Variants in CHST9 observed in about 807,000 individuals in gnomAD.
The protein encoded by CHST9 is GalNAc-4-sulfotransferase 2.
Under a neutral mutation model 44.4 loss-of-function variants are expected in CHST9, and 41 were observed. The ratio of observed to expected loss-of-function variants is 0.92; its 90% CI spans 0.72 to 1.20. The LOEUF (loss-of-function observed/expected upper bound fraction) is 1.20. Ranked by LOEUF, CHST9 falls within the 50% of genes most tolerant of loss-of-function variation. The pLI is 0.00. For synonymous variants in CHST9, 171 were observed against 178.4 expected, an observed-to-expected ratio of 0.96 and a Z score of 0.33; for missense variants, 504 against 516.5, an observed-to-expected ratio of 0.98 and a Z score of 0.23.
chr18:26,997,707 G>T (rs1215011377), intron 4 of CHST9, among the ~76,000 whole-genome samples: 1 of 152,144 alleles, frequency 6.6e-6, no homozygotes, highest in Non-Finnish European at 1.5e-5. Context: ...CTCCAACTGC[G>T]AATCACTTTC....
At chr18:27,038,255 T>C (rs765746589) in intron 3 of CHST9, among the ~76,000 whole-genome samples, 1 of 152,322 alleles carries the variant, frequency 6.6e-6, no homozygotes, top group Non-Finnish European at 1.5e-5. Flanking sequence ...ATAAAGAAGA[T>C]AACTTTCTGT....
chr18:26,973,057 C>T (rs1281824980), intron 4 of CHST9, among the ~76,000 whole-genome samples: 3 of 152,132 alleles, frequency 2.0e-5, no homozygotes, highest in Non-Finnish European at 4.4e-5. Context: ...AGAACATGTT[C>T]TCTCCTTTTT....
intron 2 of CHST9, among the ~76,000 whole-genome samples, chr18:27,138,339 A>G (rs1428969599): frequency 1.3e-5 from 2 of 152,270 alleles, no homozygotes; most frequent in South Asian, 2.1e-4. Context: ...TCCTCTGCCC[A>G]TGGAGGCAGC....
chr18:27,027,547 TG>T (rs1412301103), intron 3 of CHST9, among the ~76,000 whole-genome samples: 23 of 152,208 alleles, frequency 1.5e-4, no homozygotes, highest in African/African-American at 5.5e-4. Flanking sequence ...TAAAATCGCC[TG>T]GATGCGCCAT....
chr18:27,089,382 C>T (rs544257705), intron 2 of CHST9, among the ~76,000 whole-genome samples: 6 of 148,762 alleles, frequency 4.0e-5, no homozygotes, highest in East Asian at 4.1e-4. Flanking sequence ...TGAGAATGTG[C>T]GGTGTTTGGT....
intron 4 of CHST9, among the ~76,000 whole-genome samples, chr18:27,001,182 G>A (rs2056948661): frequency 6.6e-6 from 1 of 152,168 alleles, no homozygotes; most frequent in African/African-American, 2.4e-5. Context: ...TAATGTAGGA[G>A]GTGATGATGT....
At chr18:26,982,747 T>C (rs2056707858) in intron 4 of CHST9, among the ~76,000 whole-genome samples, 1 of 152,194 alleles carries the variant, frequency 6.6e-6, no homozygotes, top group Admixed American at 6.5e-5. Context: ...CCTTGTTCCA[T>C]GATTCCACAT....
chr18:27,034,203 T>C (rs75145736), intron 3 of CHST9, among the ~76,000 whole-genome samples: 3,572 of 152,326 alleles, frequency 0.023, 162 homozygotes, highest in African/African-American at 0.081. Context: ...AATAGTATTA[T>C]TCACCAGCTT....
intron 2 of CHST9, among the ~76,000 whole-genome samples, chr18:27,102,337 AT>A (rs778315272): frequency 2.6e-5 from 4 of 152,214 alleles, no homozygotes; most frequent in Non-Finnish European, 5.9e-5. Flanking sequence ...GAACAGATTG[AT>A]GGCCATGGCA....
chr18:26,917,417 C>A (rs749110008), intron 5 of CHST9, 67 bp from the exon 6 acceptor site: 36 of 1,502,988 alleles, frequency 2.4e-5, no homozygotes, highest in Non-Finnish European at 3.2e-5. Flanking sequence ...GGATAAGGAA[C>A]TTCACATATT....
chr18:27,113,045 C>T (rs901594230), intron 2 of CHST9, among the ~76,000 whole-genome samples: 3 of 152,090 alleles, frequency 2.0e-5, no homozygotes, highest in East Asian at 1.9e-4. Context: ...AAAAATTAGC[C>T]GGGCGTGGTG....
chr18:27,026,286 A>G (rs1430252338), intron 3 of CHST9, among the ~76,000 whole-genome samples: 1 of 152,182 alleles, frequency 6.6e-6, no homozygotes, highest in Non-Finnish European at 1.5e-5. Context: ...TACTAGTTAG[A>G]TAAATGCCGT....
chr18:27,166,397 C>A (rs954394134), intron 1 of CHST9, among the ~76,000 whole-genome samples: 3 of 152,176 alleles, frequency 2.0e-5, no homozygotes, highest in Admixed American at 1.3e-4. Context: ...TATTTAAATT[C>A]TTAAGAACTA....
intron 1 of CHST9, among the ~76,000 whole-genome samples, chr18:27,163,701 G>T (rs1157018761): frequency 6.6e-6 from 1 of 152,120 alleles, no homozygotes; most frequent in East Asian, 1.9e-4. Flanking sequence ...TAATTTCCAG[G>T]TGCCATCTGT....
intron 2 of CHST9, among the ~76,000 whole-genome samples, chr18:27,128,317 T>C (rs2058442599): frequency 6.6e-6 from 1 of 152,224 alleles, no homozygotes; most frequent in Admixed American, 6.5e-5. Flanking sequence ...TCGCCCAGGC[T>C]GGACTGCAGT....
intron 1 of CHST9, among the ~76,000 whole-genome samples, chr18:27,162,754 C>T (rs1194568831): frequency 1.3e-5 from 2 of 152,160 alleles, no homozygotes; most frequent in African/African-American, 4.8e-5. Context: ...GCCATGGCTT[C>T]GAACTTCCTC....
rs2055503191 is a variant in CHST9 at position 26,915,511 on chromosome 18, C to T, written c.*748G>A. ...ATCTGATGAGACTTAAGCTTCTCAA[C>T]TGCCTGCTTCAGAAATGTAGACCTT... On this transcript the variant is annotated 3_prime_UTR_variant, in exon 6 of 6. Transcript: ENST00000618847. 6.6e-6 allele frequency: 1 copy of T among 152,178 alleles called. No individual in the cohort carries two copies. Among genetic ancestry groups the T allele is most frequent in the Non-Finnish European group, 1.5e-5 (1 of 68,040 alleles). The allele number at this position is 152,178 out of a possible 1,614,324, so 9.4% of individuals were successfully genotyped here.
At chr18:27,032,771 G>A (rs1418826264) in intron 3 of CHST9, among the ~76,000 whole-genome samples, 7 of 152,150 alleles carry the variant, frequency 4.6e-5, no homozygotes. Context: ...AACTCTATGA[G>A]ATAAAAAGAT....
chr18:27,099,508 A>T (rs2058149942), intron 2 of CHST9, among the ~76,000 whole-genome samples: 1 of 152,032 alleles, frequency 6.6e-6, no homozygotes, highest in Admixed American at 6.5e-5. Flanking sequence ...AAAACAGAAC[A>T]AAACAAACAA....
Sources: allele counts gnomAD v4.1 joint callset (sites outside exome capture counted in the v4.1 genomes callset), GRCh38; gene constraint gnomAD v4.1.1; transcripts MANE v1.5; gene names NCBI Gene and HGNC (gene_info 2026-07-23, HGNC 2026-07-21).